Variants in VWA8 observed in about 807,000 individuals in gnomAD.
VWA8 encodes the protein von Willebrand factor A domain containing 8.
A neutral mutation model predicts 241.5 loss-of-function variants in VWA8; 221 were observed. The ratio of observed to expected loss-of-function variants is 0.91; its 90% CI spans 0.82 to 1.02. VWA8 has a LOEUF of 1.02. Ranked by LOEUF, VWA8 falls within the 50% of genes least tolerant of loss-of-function variation. VWA8 has a pLI of 0.00. For synonymous variants in VWA8, 852 were observed against 827.1 expected, an observed-to-expected ratio of 1.03 and a Z score of -0.52; for missense variants, 2,322 against 2,328.7, an observed-to-expected ratio of 1.00 and a Z score of 0.06.
At position 41,587,757 on chromosome 13, in the gene VWA8, G is replaced by A. The variant is rs867935009; in HGVS notation, c.5113-87C>T. ...TTGGGGATCTCACAGAAGCTCCAGC[G>A]TGCCAGCCCCGAGATGGGCAGACCA... is the stretch of plus-strand genomic sequence containing the variant. On this transcript the variant is annotated intron_variant, in intron 41 of 44. Coordinates refer to ENST00000379310, the MANE Select transcript of VWA8 (RefSeq NM_015058.2). 223 of 1,528,044 alleles carry A rather than the reference G, an allele frequency of 1.5e-4. No individual in the cohort carries two copies. In the Middle Eastern group the frequency reaches 5.4e-3, roughly 37 times the overall value. 94.7% of individuals were successfully genotyped at this position (1,528,044 alleles called of 1,614,324 possible). A position where few individuals can be genotyped will look rare whatever the true frequency, so the allele number is the denominator to read the frequency against.
chr13:41,953,063 G>A (rs1206510148), intron 1 of VWA8, among the ~76,000 whole-genome samples: 2 of 151,996 alleles, frequency 1.3e-5, no homozygotes, highest in Non-Finnish European at 2.9e-5. Context: ...AAGCAAAAAC[G>A]GACAGAACTA....
At chr13:41,612,095 A>G (rs1371522417) in intron 38 of VWA8, among the ~76,000 whole-genome samples, 4 of 152,188 alleles carry the variant, frequency 2.6e-5, no homozygotes, top group Non-Finnish European at 4.4e-5. Context: ...TACCGCACCT[A>G]TAAGAGTGGT....
At chr13:41,659,027 T>C (rs116351078) in intron 37 of VWA8, among the ~76,000 whole-genome samples, 322 of 152,338 alleles carry the variant, frequency 2.1e-3, no homozygotes, top group African/African-American at 7.4e-3. Flanking sequence ...ATTATGTCAA[T>C]GGATGAACAA....
chr13:41,918,486 T>G (rs976350587), intron 2 of VWA8, among the ~76,000 whole-genome samples: 3 of 152,192 alleles, frequency 2.0e-5, no homozygotes, highest in Admixed American at 2.0e-4. Flanking sequence ...TGTGTTTGTA[T>G]AGAAAAATGC....
chr13:41,723,039 A>T (rs1189744385), intron 24 of VWA8, among the ~76,000 whole-genome samples: 1 of 152,210 alleles, frequency 6.6e-6, no homozygotes, highest in East Asian at 1.9e-4. Flanking sequence ...CTGTGAACAC[A>T]CCACAAAAGG....
At chr13:41,575,880 A>C (rs1318234667) in intron 42 of VWA8, 42 bp from the exon 43 acceptor site, 3 of 1,441,658 alleles carry the variant, frequency 2.1e-6, no homozygotes, top group Non-Finnish European at 2.9e-6. Context: ...TTTTCTCCAC[A>C]AAAGAACAGT....
intron 10 of VWA8, among the ~76,000 whole-genome samples, chr13:41,866,689 A>T (rs1873330077): frequency 6.6e-6 from 1 of 152,148 alleles, no homozygotes; most frequent in Admixed American, 6.5e-5. Flanking sequence ...CTTATAGTAA[A>T]GATATTACTA....
At chr13:41,697,343 T>C (rs1175689181) in intron 29 of VWA8, among the ~76,000 whole-genome samples, 3 of 152,152 alleles carry the variant, frequency 2.0e-5, no homozygotes, top group Non-Finnish European at 4.4e-5. Context: ...CCCAGAGAAA[T>C]CCTTTAATCA....
chr13:41,956,448 T>C (rs1210784309), intron 1 of VWA8, among the ~76,000 whole-genome samples: 1 of 152,214 alleles, frequency 6.6e-6, no homozygotes, highest in East Asian at 1.9e-4. Context: ...AAGCTTACCA[T>C]TGTTCTGAGC....
intron 12 of VWA8, among the ~76,000 whole-genome samples, chr13:41,841,659 G>A (rs1304337460): frequency 6.8e-6 from 1 of 147,878 alleles, no homozygotes; most frequent in Admixed American, 6.7e-5. Flanking sequence ...GGTGGCGGGC[G>A]CCTGTAGTCC....
chr13:41,571,853 G>A (rs977645544), intron 43 of VWA8, among the ~76,000 whole-genome samples: 3 of 151,708 alleles, frequency 2.0e-5, no homozygotes, highest in Non-Finnish European at 4.4e-5. Flanking sequence ...CGCCCAGTCT[G>A]GGAAGTGAGG....
At chr13:41,686,202 G>T (rs560828594) in intron 34 of VWA8, among the ~76,000 whole-genome samples, 1 of 152,240 alleles carries the variant, frequency 6.6e-6, no homozygotes, top group South Asian at 2.1e-4. Context: ...CTTAGTTACT[G>T]AAGTTTTATA....
intron 29 of VWA8, among the ~76,000 whole-genome samples, chr13:41,697,373 A>T (rs1269756359): frequency 1.3e-5 from 2 of 151,588 alleles, no homozygotes; most frequent in African/African-American, 2.4e-5. Context: ...CCTGCTCAAA[A>T]CCTCCTAATG....
At chr13:41,688,381 G>A (rs1166245835) in intron 34 of VWA8, among the ~76,000 whole-genome samples, 2 of 152,078 alleles carry the variant, frequency 1.3e-5, no homozygotes, top group African/African-American at 4.8e-5. Flanking sequence ...AAAATTAAAT[G>A]TTTAGTCAGA....
At chr13:41,909,280 G>A (rs9594649) in intron 3 of VWA8, among the ~76,000 whole-genome samples, 36,931 of 152,020 alleles carry the variant, frequency 0.24, 5,328 homozygotes, top group Non-Finnish European at 0.31. Context: ...GACTGATCTC[G>A]AACTCTTGAC....
At chr13:41,773,738 T>G (rs1019144716) in intron 20 of VWA8, among the ~76,000 whole-genome samples, 5 of 152,258 alleles carry the variant, frequency 3.3e-5, no homozygotes, top group Non-Finnish European at 5.9e-5. Context: ...ACCAGCTGCC[T>G]TGGTCCAATT....
chr13:41,575,003 G>C (rs1593625068), intron 43 of VWA8, among the ~76,000 whole-genome samples: 1 of 152,172 alleles, frequency 6.6e-6, no homozygotes, highest in East Asian at 1.9e-4. Flanking sequence ...CAATGATATG[G>C]AACCAACCTA....
At position 41,691,951 on chromosome 13, in the gene VWA8, A is replaced by G. The variant is rs963676074; in HGVS notation, c.3676-13T>C. ...TTTTATAAGTTTCCTAAAGACAAAC[A>G]AAACAAGATATTCATATTAAATGTG... On this transcript the variant is annotated splice_polypyrimidine_tract_variant and intron_variant, in intron 30 of 44. Coordinates refer to ENST00000379310, the MANE Select transcript of VWA8 (RefSeq NM_015058.2). 3.2e-6 allele frequency: 5 copies of G among 1,560,352 alleles called. No homozygotes were observed. Among genetic ancestry groups the G allele is most frequent in the Middle Eastern group, 1.7e-4 (1 of 5,958 alleles).
chr13:41,599,731 A>G (rs1314133022), intron 40 of VWA8, among the ~76,000 whole-genome samples: 1 of 152,174 alleles, frequency 6.6e-6, no homozygotes, highest in Admixed American at 6.6e-5. Context: ...TGAGAACTTC[A>G]TCACCACATC....
Sources: allele counts gnomAD v4.1 joint callset (sites outside exome capture counted in the v4.1 genomes callset), GRCh38; gene constraint gnomAD v4.1.1; transcripts MANE v1.5; gene names NCBI Gene and HGNC (gene_info 2026-07-23, HGNC 2026-07-21).